The following NDUFB6 variants were observed in gnomAD, a reference collection of about 807,000 sequenced individuals.
NDUFB6 encodes NADH dehydrogenase [ubiquinone] 1 beta subcomplex subunit 6.
A neutral mutation model predicts 17.5 loss-of-function variants in NDUFB6; 23 were observed. That is an observed-to-expected ratio of 1.31 (90% CI 0.94 to 1.86). The LOEUF (loss-of-function observed/expected upper bound fraction) is 1.86, where lower values mean the gene tolerates loss of function less well. NDUFB6 is among the 40% of genes most tolerant of loss of function. NDUFB6 has a pLI of 0.00. For missense variants in NDUFB6, 167 were observed against 153.8 expected (o/e 1.09, Z -0.46); for synonymous variants, 60 against 53.5 (o/e 1.12, Z -0.53).
intron 2 of NDUFB6, among the ~76,000 whole-genome samples, chr9:32,561,405 G>C (rs1821622353): frequency 1.3e-5 from 2 of 151,534 alleles, no homozygotes; most frequent in African/African-American, 4.9e-5. Context: ...TCGACTCACT[G>C]CAACTTCTGC....
chr9:32,561,866 G>A (rs1381352557), intron 2 of NDUFB6, among the ~76,000 whole-genome samples: 1 of 152,048 alleles, frequency 6.6e-6, no homozygotes, highest in East Asian at 1.9e-4. Flanking sequence ...CTACTAAAAC[G>A]CAATGGCCTC....
Position 32,553,678 on chromosome 9 carries a change from GTC to G in NDUFB6, c.*196_*197del. ...CAAGAATGACCAGAAAAAGTAGGTAGTCTCTCATATTTGTTTAGCATGTCCAC... is the reference window on the plus strand; with the variant it reads ...CAAGAATGACCAGAAAAAGTAGGTAGTCTCATATTTGTTTAGCATGTCCAC... On this transcript the variant is annotated 3_prime_UTR_variant, in exon 4 of 4. Coordinates refer to ENST00000379847, the MANE Select transcript of NDUFB6 (RefSeq NM_002493.5). The G allele has an allele frequency of 1.9e-6, 1 of 523,858 alleles. No homozygotes were observed. The highest frequency in any genetic ancestry group is 3.3e-5 in the East Asian group (1 of 30,224). The allele number at this position is 523,858 out of a possible 1,614,324, so 32.5% of individuals were successfully genotyped here. A position where few individuals can be genotyped will look rare whatever the true frequency, so the allele number is the denominator to read the frequency against.
In NDUFB6 at chr9:32,570,868, G is replaced by C. The variant is rs538539945; in HGVS notation, c.273+92C>G. The stretch of plus-strand genomic sequence containing the variant: ...AGTACTTCAAAATCTGTTTATAAGT[G>C]GCAGATTATTTCCACTAAGTAGGGT... On this transcript the variant is annotated intron_variant, in intron 2 of 3. Transcript: ENST00000379847. 2.2e-4 allele frequency: 159 copies of C among 726,914 alleles called. No individual in the cohort carries two copies. The African/African-American group carries it at 2.6e-3, about 12-fold the overall frequency. The allele number at this position is 726,914 out of a possible 1,614,324, so 45.0% of individuals were successfully genotyped here.
At chr9:32,557,185 G>A in intron 3 of NDUFB6, among the ~76,000 whole-genome samples, 1 of 120,630 alleles carries the variant, frequency 8.3e-6, no homozygotes, top group Admixed American at 9.0e-5. Flanking sequence ...TTTTTCCCGA[G>A]ACAGAGTCTC....
chr9:32,557,781 C>A (rs1233381140), intron 3 of NDUFB6, among the ~76,000 whole-genome samples: 2 of 151,956 alleles, frequency 1.3e-5, no homozygotes, highest in Admixed American at 1.3e-4. Context: ...CTGGCCCCTC[C>A]CCCAACTATT....
chr9:32,571,031 T>G lies in NDUFB6; in HGVS notation c.202A>C (p.Ser68Arg), dbSNP rs376279037. 1 of 1,603,796 alleles carries G rather than the reference T, an allele frequency of 6.2e-7. No homozygotes were observed. Among genetic ancestry groups the G allele is most frequent in the African/African-American group, 1.3e-5 (1 of 74,488 alleles). Reference protein sequence around the residue: ...RKMVHGVYKKSIFVFTHVLVP... With the variant: ...RKMVHGVYKKRIFVFTHVLVP... ...AGTACATGAGTGAAAACAAAGATAC[T>G]CTTTTTGTATACCCCATGGACCTGG... The change falls in exon 2 of 4, where the codon AGT becomes CGT. Residue 68 changes from serine to arginine, a missense_variant. Ser to Arg is a moderately radical substitution (Grantham distance 110, BLOSUM62 -1). Transcript: ENST00000379847.
chr9:32,571,968 A>G (rs552346640), intron 1 of NDUFB6, among the ~76,000 whole-genome samples: 1 of 152,370 alleles, frequency 6.6e-6, no homozygotes, highest in African/African-American at 2.4e-5. Flanking sequence ...GTTGATTACA[A>G]TATGAACTCA....
At chr9:32,562,346 G>T (rs1490168395) in intron 2 of NDUFB6, among the ~76,000 whole-genome samples, 2 of 152,126 alleles carry the variant, frequency 1.3e-5, no homozygotes, top group Non-Finnish European at 2.9e-5. Flanking sequence ...TTAGTACACG[G>T]AACAAAGATG....
chr9:32,560,157 T>C (rs951932020), intron 2 of NDUFB6, among the ~76,000 whole-genome samples: 2 of 152,136 alleles, frequency 1.3e-5, no homozygotes, highest in Non-Finnish European at 2.9e-5. Context: ...AGCAAACTGG[T>C]TGCAATCTTA....
chr9:32,558,189 G>A (rs902452726), intron 3 of NDUFB6, among the ~76,000 whole-genome samples: 6 of 146,210 alleles, frequency 4.1e-5, no homozygotes, highest in Non-Finnish European at 7.4e-5. Context: ...TCGGCTCACT[G>A]CAAGCTCCAC....
At chr9:32,558,181 G>A (rs1821524540) in intron 3 of NDUFB6, among the ~76,000 whole-genome samples, 2 of 149,464 alleles carry the variant, frequency 1.3e-5, no homozygotes, top group South Asian at 2.1e-4. Flanking sequence ...GCGCAACCTC[G>A]GCTCACTGCA....
In NDUFB6 at chr9:32,573,102, G is replaced by C. The variant is rs376415508; in HGVS notation, c.-42C>G. The stretch of plus-strand genomic sequence containing the variant: ...ACGCAAAAGGACACGGCGCACCCTC[G>C]AACTACGGACTAGTTACTTAAGCGC... On this transcript the variant is annotated 5_prime_UTR_variant, in exon 1 of 4. Transcript: ENST00000379847. 39 of 1,487,116 alleles carry C rather than the reference G, an allele frequency of 2.6e-5. No homozygotes were observed. The African/African-American group carries it at 4.4e-4, about 17-fold the overall frequency. 92.1% of individuals were successfully genotyped at this position (1,487,116 alleles called of 1,614,324 possible).
At chr9:32,566,612 C>T in intron 2 of NDUFB6, 1 of 788,354 alleles carries the variant, frequency 1.3e-6, no homozygotes, top group South Asian at 1.3e-5. Flanking sequence ...GGAATTCCTC[C>T]TGAGCCTCTG....
intron 3 of NDUFB6, among the ~76,000 whole-genome samples, chr9:32,555,080 CTT>C (rs1256855439): frequency 6.7e-6 from 1 of 149,496 alleles, no homozygotes; most frequent in Non-Finnish European, 1.5e-5. Flanking sequence ...ACGCTAGAGA[CTT>C]TCTGTTCCTG....
chr9:32,565,009 C>CAAAAAA (rs1821740486), intron 2 of NDUFB6, among the ~76,000 whole-genome samples: 1 of 152,152 alleles, frequency 6.6e-6, no homozygotes. Flanking sequence ...AACAATTCAG[C>CAAAAAA]AGGCCAGGTG....
chr9:32,568,812 G>A (rs1431702783), intron 2 of NDUFB6, among the ~76,000 whole-genome samples: 4 of 141,516 alleles, frequency 2.8e-5, no homozygotes, highest in African/African-American at 8.0e-5. Context: ...GTGCAGTGGT[G>A]CAATCTCAGC....
intron 2 of NDUFB6, 94 bp downstream of exon 2, chr9:32,570,866 G>T: frequency 1.4e-6 from 1 of 716,396 alleles, no homozygotes; most frequent in Non-Finnish European, 2.2e-6. Flanking sequence ...CTGTTTATAA[G>T]TGGCAGATTA....
rs554645010 is a variant in NDUFB6, at chr9:32,565,125, T to G, written c.273+5835A>C. Among the ~76,000 whole-genome samples the G allele has an allele frequency of 2.6e-5, 4 of 152,142 alleles. No individual in the cohort carries two copies. In the East Asian group the frequency reaches 7.7e-4, roughly 29 times the overall value. ...CTGGCCAACATGGCAAAACCTCATC[T>G]CTGCTAAAAATACAAAAATTAGTCA... On this transcript the variant is annotated intron_variant, in intron 2 of 3. Transcript: ENST00000379847.
At chr9:32,559,397 A>G in intron 2 of NDUFB6, among the ~76,000 whole-genome samples, 1 of 152,228 alleles carries the variant, frequency 6.6e-6, no homozygotes, top group East Asian at 1.9e-4. Context: ...CCTCCTATGC[A>G]AATGAAAAGT....
Sources: gnomAD v4.1 joint callset for allele counts (sites outside exome capture counted in the v4.1 genomes callset) on GRCh38, gnomAD v4.1.1 for gene constraint, MANE v1.5 for transcripts, NCBI Gene and HGNC (gene_info 2026-07-23, HGNC 2026-07-21) for gene names.